USP28: variants seen among roughly 807,000 people sequenced by gnomAD.
USP28 encodes the protein ubiquitin specific peptidase 28.
Under a neutral mutation model 145.0 loss-of-function variants are expected in USP28, and 113 were observed. That is an observed-to-expected ratio of 0.78 (90% CI 0.67 to 0.91). USP28 has a LOEUF of 0.91. Ranked by LOEUF, USP28 falls within the 40% of genes least tolerant of loss-of-function variation. The pLI, the probability that USP28 is intolerant of heterozygous loss-of-function variation, is 0.00. For missense variants in USP28, 1,201 were observed against 1,289.6 expected (o/e 0.93, Z 1.05); for synonymous variants, 447 against 450.9 (o/e 0.99, Z 0.11).
rs761882931 is a variant in USP28, at chr11:113,817,775, A to G, written c.1346T>C (p.Ile449Thr). 6.8e-6 allele frequency: 11 copies of G among 1,614,122 alleles called. No homozygotes were observed. The East Asian group carries it at 8.9e-5, about 13-fold the overall frequency. The stretch of plus-strand genomic sequence containing the variant: ...GGCAGGTTTTGTACTAGCAAATTCA[A>G]TAACATATTTCAGCATGTCCGGGAG... The change falls in exon 13 of 25, where the codon ATT becomes ACT. Residue 449 changes from isoleucine to threonine, a missense_variant. Physicochemically the swap from Ile to Thr is moderately conservative, Grantham distance 89. Coordinates refer to ENST00000003302, the Ensembl canonical transcript of USP28.
chr11:113,853,744 G>A (rs1216956504), intron 2 of USP28, among the ~76,000 whole-genome samples: 3 of 151,626 alleles, frequency 2.0e-5, no homozygotes, highest in Admixed American at 6.6e-5. Flanking sequence ...GTGTGGTGGC[G>A]CATGCCTGTA....
In USP28 at chr11:113,823,588, A is replaced by G. The variant is rs940158848; in HGVS notation, c.1283+17T>C. 2.6e-6 allele frequency: 4 copies of G among 1,546,684 alleles called. No individual in the cohort carries two copies. Among genetic ancestry groups the G allele is most frequent in the Non-Finnish European group, 3.6e-6 (4 of 1,124,158 alleles). ...TATTCTTTTACATTTCTAAGCATGA[A>G]GGTGTCCAAAACTCACCTTTCCAAT... On this transcript the variant is annotated intron_variant, in intron 12 of 24. Transcript: ENST00000003302.
rs777661406 is a variant in USP28 at position 113,841,746 on chromosome 11, A to G, written c.291T>C (p.Asp97=). 3.7e-6 allele frequency: 6 copies of G among 1,613,306 alleles called. No individual in the cohort carries two copies. The South Asian group carries it at 6.6e-5, about 18-fold the overall frequency. Reference sequence around the variant, plus strand: ...TGGCAGCCTGAAGATCATCTTTGTTATCATGAGTAAGGTCTATAACTTCTG... The same window carrying G: ...TGGCAGCCTGAAGATCATCTTTGTTGTCATGAGTAAGGTCTATAACTTCTG... The change falls in exon 4 of 25, where the codon GAT becomes GAC. Residue 97 remains aspartate (D), a synonymous_variant. Coordinates refer to ENST00000003302, the Ensembl canonical transcript of USP28.
chr11:113,845,863 C>T (rs1168412014), intron 3 of USP28, among the ~76,000 whole-genome samples: 2 of 152,214 alleles, frequency 1.3e-5, no homozygotes, highest in Admixed American at 6.5e-5. Flanking sequence ...ATATGAGCTA[C>T]AGTGCCCGGA....
rs1259594954 is a variant in USP28 at position 113,800,869 on chromosome 11, G to T, written c.3058+614C>A. Among the ~76,000 whole-genome samples, 5 of 146,736 alleles carry T rather than the reference G, an allele frequency of 3.4e-5. No homozygotes were observed. The East Asian group carries it at 9.8e-4, about 29-fold the overall frequency. On this transcript the variant is annotated intron_variant, in intron 24 of 24. Transcript: ENST00000003302. Reference sequence around the variant, plus strand: ...TTTTTTTTTTTTTTTTGGATATGGAGTCTCATTCCGTGGCCCAGGCTGGAT... The same window carrying T: ...TTTTTTTTTTTTTTTTGGATATGGATTCTCATTCCGTGGCCCAGGCTGGAT...
intron 1 of USP28, among the ~76,000 whole-genome samples, chr11:113,867,804 G>GGGGAGGGA (rs925645497): frequency 8.1e-6 from 1 of 123,586 alleles, no homozygotes; most frequent in African/African-American, 3.1e-5. Flanking sequence ...AGAAGGAAGG[G>GGGGAGGGA]GGGAGGGAGG....
chr11:113,801,616 G>A (rs373447804), exon 24 of USP28: 31 of 1,609,302 alleles, frequency 1.9e-5, no homozygotes, highest in East Asian at 4.5e-5. Context: ...TCACATTAAT[G>A]CCCTCAGTTA....
rs143345317 is a variant in USP28, at chr11:113,856,207, C to T, written c.58-1872G>A. On this transcript the variant is annotated intron_variant, in intron 1 of 24. Coordinates refer to ENST00000003302, the Ensembl canonical transcript of USP28. ...TCCATTTGATTTTACTGTATAAAAG[C>T]GGTATGAATCTATGTATCTCACACA... Among the ~76,000 whole-genome samples the T allele has an allele frequency of 2.4e-3, 362 of 152,218 alleles. 3 individuals carry two copies. Among genetic ancestry groups the T allele is most frequent in the African/African-American group, 7.5e-3 (311 of 41,528 alleles).
intron 3 of USP28, among the ~76,000 whole-genome samples, chr11:113,849,320 G>A (rs1946215511): frequency 6.6e-6 from 1 of 152,186 alleles, no homozygotes; most frequent in East Asian, 1.9e-4. Flanking sequence ...GTTTGCAGAT[G>A]GCAGTTCCAA....
At chr11:113,854,401 G>C (rs1565477848) in intron 1 of USP28, 66 bp from the exon 2 acceptor site, 4 of 1,473,994 alleles carry the variant, frequency 2.7e-6, no homozygotes, top group Non-Finnish European at 3.8e-6. Flanking sequence ...TACATTTAAA[G>C]AATAACTAAA....
intron 6 of USP28, among the ~76,000 whole-genome samples, chr11:113,833,832 G>A (rs924461329): frequency 1.3e-5 from 2 of 152,114 alleles, no homozygotes; most frequent in Admixed American, 6.6e-5. Flanking sequence ...AATGCATTGC[G>A]CCAAGGTGAA....
chr11:113,816,098 T>C (rs960661541), intron 13 of USP28, among the ~76,000 whole-genome samples: 1 of 152,238 alleles, frequency 6.6e-6, no homozygotes, highest in Non-Finnish European at 1.5e-5. Flanking sequence ...ATTTCTCTAT[T>C]GTCAGAGTAA....
chr11:113,808,351 C>T, exon 18 of USP28: 1 of 1,614,026 alleles, frequency 6.2e-7, no homozygotes, highest in Non-Finnish European at 8.5e-7. Context: ...GCTGTGTTTG[C>T]AATAGCCTGG....
intron 5 of USP28, among the ~76,000 whole-genome samples, chr11:113,840,248 A>G (rs1357866310): frequency 6.6e-6 from 1 of 152,080 alleles, no homozygotes; most frequent in Non-Finnish European, 1.5e-5. Flanking sequence ...CTCTCCTTCC[A>G]TGACTTCTGC....
At chr11:113,814,522 T>C (rs559031440) in intron 14 of USP28, among the ~76,000 whole-genome samples, 1 of 152,148 alleles carries the variant, frequency 6.6e-6, no homozygotes, top group Non-Finnish European at 1.5e-5. Flanking sequence ...TAGAAAAGAC[T>C]GAAGAGTAGA....
At chr11:113,811,400 T>C (rs1940959641) in intron 16 of USP28, among the ~76,000 whole-genome samples, 1 of 152,258 alleles carries the variant, frequency 6.6e-6, no homozygotes, top group East Asian at 1.9e-4. Context: ...AATACACCTG[T>C]AAAATTTAGT....
At chr11:113,815,758 G>A (rs1941641938) in intron 13 of USP28, among the ~76,000 whole-genome samples, 1 of 152,190 alleles carries the variant, frequency 6.6e-6, no homozygotes, top group African/African-American at 2.4e-5. Context: ...AAATGGAAAA[G>A]AGAAGACTAG....
At chr11:113,804,882 A>G (rs1335812778) in exon 20 of USP28, 1 of 1,614,116 alleles carries the variant, frequency 6.2e-7, no homozygotes, top group Non-Finnish European at 8.5e-7. Flanking sequence ...CATCATAGCT[A>G]AGATTTTTAT....
chr11:113,825,130 G>C (rs1340675970), intron 11 of USP28, among the ~76,000 whole-genome samples: 1 of 152,034 alleles, frequency 6.6e-6, no homozygotes, highest in African/African-American at 2.4e-5. Context: ...CTAATGTCAA[G>C]ATTTACAATA....
Sources: gnomAD v4.1 joint callset for allele counts (sites outside exome capture counted in the v4.1 genomes callset) on GRCh38, gnomAD v4.1.1 for gene constraint, MANE v1.5 for transcripts, NCBI Gene and HGNC (gene_info 2026-07-23, HGNC 2026-07-21) for gene names.